Variants in PLA2R1 observed in about 807,000 individuals in gnomAD.
PLA2R1 encodes phospholipase A2 receptor 1, also known as secretory phospholipase A2 receptor.
Under a neutral mutation model 195.9 loss-of-function variants are expected in PLA2R1, and 158 were observed. The ratio of observed to expected loss-of-function variants is 0.81; its 90% confidence interval spans 0.71 to 0.92. The LOEUF (loss-of-function observed/expected upper bound fraction) is 0.92, where lower values mean the gene tolerates loss of function less well. Among genes scored for constraint, PLA2R1 ranks in the 40% least tolerant of loss-of-function variants. The pLI, the probability that PLA2R1 is intolerant of heterozygous loss-of-function variation, is 0.00. For synonymous variants in PLA2R1, 586 were observed against 598.2 expected (o/e 0.98, Z 0.30); for missense variants, 1,626 against 1,764.6 (o/e 0.92, Z 1.41).
chr2:159,979,999 C>T (rs1038481160), intron 13 of PLA2R1, 85 bp from the exon 14 acceptor site: 16 of 690,370 alleles, frequency 2.3e-5, no homozygotes, highest in Non-Finnish European at 7.8e-6. Flanking sequence ...CAGCATGGCA[C>T]ATGTATACAC....
intron 3 of PLA2R1, among the ~76,000 whole-genome samples, chr2:160,038,565 G>C (rs1269590477): frequency 6.6e-6 from 1 of 152,202 alleles, no homozygotes; most frequent in East Asian, 1.9e-4. Flanking sequence ...AGGAAATAAA[G>C]ATGGGCACAG....
At chr2:160,007,811 C>T (rs1246740437) in intron 10 of PLA2R1, among the ~76,000 whole-genome samples, 1 of 152,180 alleles carries the variant, frequency 6.6e-6, no homozygotes. Flanking sequence ...GATGCTCATA[C>T]TACCTAAAGT....
chr2:159,962,154 C>T (rs969793049), intron 20 of PLA2R1, among the ~76,000 whole-genome samples: 1 of 152,260 alleles, frequency 6.6e-6, no homozygotes, highest in Admixed American at 6.5e-5. Flanking sequence ...GGTCTAATAT[C>T]CAGAATCTAC....
intron 17 of PLA2R1, among the ~76,000 whole-genome samples, chr2:159,971,610 A>G (rs1394151831): frequency 1.3e-5 from 2 of 152,068 alleles, no homozygotes; most frequent in African/African-American, 2.4e-5. Flanking sequence ...AAATCAGTAT[A>G]CTTAATGGGG....
At chr2:160,019,413 C>G (rs1293994776) in intron 8 of PLA2R1, among the ~76,000 whole-genome samples, 1 of 152,190 alleles carries the variant, frequency 6.6e-6, no homozygotes, top group Non-Finnish European at 1.5e-5. Flanking sequence ...ACCCCCACAT[C>G]TAACTTAGCA....
chr2:159,960,195 A>T (rs996526923), intron 20 of PLA2R1, among the ~76,000 whole-genome samples: 2 of 152,256 alleles, frequency 1.3e-5, no homozygotes, highest in Non-Finnish European at 2.9e-5. Flanking sequence ...ACCTTAGCAC[A>T]TGCAGCTCCC....
At chr2:160,061,040 AAC>A (rs1271567080) in intron 1 of PLA2R1, among the ~76,000 whole-genome samples, 9 of 152,236 alleles carry the variant, frequency 5.9e-5, no homozygotes, top group Admixed American at 5.9e-4. Context: ...GAGCTTAGGA[AAC>A]ACAGTCTAGA....
intron 1 of PLA2R1, among the ~76,000 whole-genome samples, chr2:160,047,808 T>C (rs1266162560): frequency 6.6e-6 from 1 of 152,208 alleles, no homozygotes; most frequent in East Asian, 1.9e-4. Flanking sequence ...AACCTAACAT[T>C]TGGGGTGAAT....
Position 159,949,568 on chromosome 2 carries a change from A to G in PLA2R1, c.3709+40T>C, listed in dbSNP as rs779433022. ...GCACAGTGTCTTGCATACAGTAGTT[A>G]AATAAGGTATATTTTTGAGTTGAAT... On this transcript the variant is annotated intron_variant, in intron 25 of 29. Transcript: ENST00000283243. 2.7e-6 allele frequency: 4 copies of G among 1,485,162 alleles called. No homozygotes were observed. The African/African-American group carries it at 4.1e-5, about 15-fold the overall frequency. 92.0% of individuals were successfully genotyped at this position (1,485,162 alleles called of 1,614,324 possible).
chr2:160,003,104 C>T (rs979849253), intron 11 of PLA2R1, among the ~76,000 whole-genome samples: 3 of 151,722 alleles, frequency 2.0e-5, no homozygotes, highest in East Asian at 1.9e-4. Context: ...AATCAGTAGA[C>T]GAAAGGGTGA....
chr2:160,041,687 T>C (rs1694530709), intron 3 of PLA2R1, among the ~76,000 whole-genome samples: 1 of 152,238 alleles, frequency 6.6e-6, no homozygotes, highest in Non-Finnish European at 1.5e-5. Flanking sequence ...CTGGGCTTTA[T>C]ATGCAATCAG....
intron 25 of PLA2R1, among the ~76,000 whole-genome samples, chr2:159,948,119 G>T (rs185664230): frequency 1.3e-5 from 2 of 152,348 alleles, no homozygotes; most frequent in East Asian, 3.9e-4. Context: ...CATCCATGCT[G>T]AGATCCCGGC....
chr2:159,952,908 T>C (rs1030209423), intron 23 of PLA2R1, among the ~76,000 whole-genome samples: 1 of 152,198 alleles, frequency 6.6e-6, no homozygotes, highest in Non-Finnish European at 1.5e-5. Flanking sequence ...AAAATGAATC[T>C]CTTTAATTTC....
In PLA2R1 at chr2:159,975,978, TC is replaced by T. The variant is rs1689522119; in HGVS notation, c.2595+89del. On this transcript the variant is annotated intron_variant, in intron 17 of 29. Coordinates refer to ENST00000283243, the MANE Select transcript of PLA2R1 (RefSeq NM_007366.5). ...CTGAAGTTTAAATAAATATCCGAAG[TC>T]AAATCGAAAAAACTATCCCTCCCTC... 3.3e-6 allele frequency: 3 copies of T among 922,302 alleles called. No individual in the cohort carries two copies. In the East Asian group the frequency reaches 7.3e-5, roughly 22 times the overall value. 57.1% of individuals were successfully genotyped at this position (922,302 alleles called of 1,614,324 possible). A position where few individuals can be genotyped will look rare whatever the true frequency, so the allele number is the denominator to read the frequency against.
chr2:160,060,751 C>G (rs1183535624), intron 1 of PLA2R1, among the ~76,000 whole-genome samples: 1 of 152,200 alleles, frequency 6.6e-6, no homozygotes, highest in Non-Finnish European at 1.5e-5. Context: ...CGGAGGATCA[C>G]CAGCACATAC....
chr2:159,972,250 G>A (rs934485838), intron 17 of PLA2R1, among the ~76,000 whole-genome samples: 3 of 152,154 alleles, frequency 2.0e-5, no homozygotes, highest in Non-Finnish European at 4.4e-5. Context: ...GGAGATGCTA[G>A]AAGATACCCA....
At chr2:159,924,743 T>C in the PLA2R1 span, among the ~76,000 whole-genome samples, 1 of 143,696 alleles carries the variant, frequency 7.0e-6, no homozygotes, top group Admixed American at 7.0e-5. Flanking sequence ...GGGGGGGCGG[T>C]GCGAACAAAA....
intron 2 of PLA2R1, 60 bp from the exon 3 acceptor site, chr2:160,042,258 T>C (rs755006998): frequency 6.8e-6 from 10 of 1,465,948 alleles, no homozygotes; most frequent in Non-Finnish European, 9.5e-6. Flanking sequence ...CTTTGGAAAC[T>C]GCTATATATC....
At chr2:159,929,774 GGATA>G (rs1686546224), downstream of PLA2R1, among the ~76,000 whole-genome samples, 1 of 151,668 alleles carries the variant, frequency 6.6e-6, no homozygotes, top group Non-Finnish European at 1.5e-5. Flanking sequence ...ATCAATGAGT[GGATA>G]AAGAAATTGT....
Sources: gnomAD v4.1 joint callset for allele counts (sites outside exome capture counted in the v4.1 genomes callset) on GRCh38, gnomAD v4.1.1 for gene constraint, MANE v1.5 for transcripts, NCBI Gene and HGNC (gene_info 2026-07-23, HGNC 2026-07-21) for gene names.